Variants in KCNQ3 observed in about 807,000 individuals in gnomAD.
The protein encoded by KCNQ3 is potassium voltage-gated channel subfamily KQT member 3.
A neutral mutation model predicts 92.5 loss-of-function variants in KCNQ3; 30 were observed. The observed-to-expected ratio is 0.32, with a 90% CI of 0.24 to 0.44. KCNQ3 has a LOEUF of 0.44. Ranked by LOEUF, KCNQ3 falls within the 20% of genes least tolerant of loss-of-function variation. The pLI is 1.00. For synonymous variants in KCNQ3, 450 were observed against 468.8 expected (o/e 0.96, Z 0.52); for missense variants, 913 against 1,140.3 (o/e 0.80, Z 2.87).
intron 1 of KCNQ3, among the ~76,000 whole-genome samples, chr8:132,232,996 T>C (rs1814690657): frequency 6.6e-6 from 1 of 152,234 alleles, no homozygotes; most frequent in African/African-American, 2.4e-5. Flanking sequence ...ATATTGTCTC[T>C]GGCATTGCTA....
chr8:132,234,909 C>T (rs373796302), intron 1 of KCNQ3, among the ~76,000 whole-genome samples: 6 of 152,202 alleles, frequency 3.9e-5, no homozygotes, highest in African/African-American at 1.4e-4. Flanking sequence ...TCTTCATTGC[C>T]TTGCCTCATA....
intron 1 of KCNQ3, among the ~76,000 whole-genome samples, chr8:132,468,430 G>A (rs1480620546): frequency 1.3e-5 from 2 of 152,220 alleles, no homozygotes; most frequent in Non-Finnish European, 2.9e-5. Context: ...TTAAACTGCT[G>A]TAATGAGTTT....
rs111575301 is a variant in KCNQ3, at chr8:132,418,410, G to A, written c.386+61737C>T. Among the ~76,000 whole-genome samples, 1,247 of 152,252 alleles carry A rather than the reference G, an allele frequency of 8.2e-3. 25 individuals carry two copies. The highest frequency in any genetic ancestry group is 0.026 in the African/African-American group (1,093 of 41,546). On this transcript the variant is annotated intron_variant, in intron 1 of 14. Transcript: ENST00000388996. ...AGGGAGGAGCTCTGGGTCTCAACCCGACTCTGCCTCTAATGGTCTCTGTGA... is the reference window on the plus strand; with the variant it reads ...AGGGAGGAGCTCTGGGTCTCAACCCAACTCTGCCTCTAATGGTCTCTGTGA...
intron 1 of KCNQ3, among the ~76,000 whole-genome samples, chr8:132,334,609 G>A (rs1818316106): frequency 6.6e-6 from 1 of 152,188 alleles, no homozygotes. Context: ...TGGGATTTGA[G>A]TGCTTGTCTC....
At chr8:132,163,621 G>A in intron 8 of KCNQ3, 127 bp from the exon 9 acceptor site, 3 of 845,424 alleles carry the variant, frequency 3.5e-6, no homozygotes, top group Non-Finnish European at 6.0e-6. Context: ...AGGACAGGAT[G>A]GTCAGTGTGG....
intron 1 of KCNQ3, among the ~76,000 whole-genome samples, chr8:132,202,241 C>G (rs1827487052): frequency 1.3e-5 from 2 of 152,166 alleles, no homozygotes; most frequent in Admixed American, 1.3e-4. Flanking sequence ...ATCTTGCTCT[C>G]AAAGTCCTAG....
intron 1 of KCNQ3, among the ~76,000 whole-genome samples, chr8:132,347,293 A>G (rs755417633): frequency 3.9e-5 from 6 of 152,194 alleles, no homozygotes; most frequent in Admixed American, 1.3e-4. Context: ...ATGGCCTGGA[A>G]AGTACCCATT....
intron 2 of KCNQ3, among the ~76,000 whole-genome samples, chr8:132,185,568 G>A (rs1221516258): frequency 6.6e-6 from 1 of 152,226 alleles, no homozygotes; most frequent in Non-Finnish European, 1.5e-5. Flanking sequence ...ACTTGCCCAA[G>A]AATTCTAATC....
chr8:132,283,056 G>A (rs1481883123), intron 1 of KCNQ3, among the ~76,000 whole-genome samples: 3 of 151,064 alleles, frequency 2.0e-5, no homozygotes, highest in South Asian at 2.1e-4. Context: ...GAGGGAATGA[G>A]GCAGAAAGGA....
At chr8:132,254,246 C>T (rs1435519606) in intron 1 of KCNQ3, among the ~76,000 whole-genome samples, 1 of 152,114 alleles carries the variant, frequency 6.6e-6, no homozygotes, top group Non-Finnish European at 1.5e-5. Flanking sequence ...GCATGTTCTC[C>T]CTATAAACTG....
intron 1 of KCNQ3, among the ~76,000 whole-genome samples, chr8:132,372,437 G>A (rs1185791913): frequency 6.6e-6 from 1 of 152,106 alleles, no homozygotes; most frequent in Non-Finnish European, 1.5e-5. Flanking sequence ...CCCCAGGGCT[G>A]TTCTGAGATG....
intron 1 of KCNQ3, among the ~76,000 whole-genome samples, chr8:132,235,034 T>C (rs972917270): frequency 2.6e-5 from 4 of 152,206 alleles, no homozygotes; most frequent in Admixed American, 6.5e-5. Flanking sequence ...GTGAATTATA[T>C]GTAAAAAATA....
Position 132,480,259 on chromosome 8 carries a change from G to C in KCNQ3, c.274C>G (p.Pro92Ala), listed in dbSNP as rs752955788. The change falls in exon 1 of 15, where the codon CCG becomes GCG. Residue 92 changes from proline to alanine, a missense_variant. By Grantham distance (27) the Pro-to-Ala change is conservative (BLOSUM62 -1). This residue lies in a region of KCNQ3 where 183 missense variants were observed against 167.7 expected (regional missense o/e 1.09). Coordinates refer to ENST00000388996, the MANE Select transcript of KCNQ3 (RefSeq NM_004519.4). ...TTTCTCTTGACTGGGCGGCTCAGCGGGGTCTTGGCCAGGAGCCCGATGCCC... is the reference window on the plus strand; with the variant it reads ...TTTCTCTTGACTGGGCGGCTCAGCGCGGTCTTGGCCAGGAGCCCGATGCCC... ...PQGIGLLAKT[P>A]LSRPVKRNNA... 1.9e-6 allele frequency: 3 copies of C among 1,612,708 alleles called. No homozygotes were observed. The highest frequency in any genetic ancestry group is 2.5e-6 in the Non-Finnish European group (3 of 1,179,282).
chr8:132,363,134 G>C (rs1359174867), intron 1 of KCNQ3, among the ~76,000 whole-genome samples: 1 of 152,176 alleles, frequency 6.6e-6, no homozygotes, highest in Non-Finnish European at 1.5e-5. Flanking sequence ...AATCAAACCA[G>C]CCACTTGTAG....
chr8:132,357,333 T>G (rs1586953645), intron 1 of KCNQ3, among the ~76,000 whole-genome samples: 1 of 152,254 alleles, frequency 6.6e-6, no homozygotes, highest in African/African-American at 2.4e-5. Context: ...GAGAAGTGCG[T>G]CAATGTGAGG....
chr8:132,308,422 T>A (rs576539641), intron 1 of KCNQ3, among the ~76,000 whole-genome samples: 2 of 152,186 alleles, frequency 1.3e-5, no homozygotes, highest in South Asian at 4.2e-4. Flanking sequence ...AAACTCAGCC[T>A]GGAGGGGAAA....
intron 1 of KCNQ3, among the ~76,000 whole-genome samples, chr8:132,439,958 G>A (rs570612739): frequency 6.6e-6 from 1 of 152,282 alleles, no homozygotes; most frequent in Non-Finnish European, 1.5e-5. Context: ...ACCTCCTGAG[G>A]ATATCACAAT....
chr8:132,427,961 T>G (rs1821152480), intron 1 of KCNQ3, among the ~76,000 whole-genome samples: 1 of 152,186 alleles, frequency 6.6e-6, no homozygotes, highest in South Asian at 2.1e-4. Context: ...TATCTAGCAA[T>G]CATACCCAAG....
intron 9 of KCNQ3, among the ~76,000 whole-genome samples, chr8:132,160,793 C>T (rs960692829): frequency 3.3e-5 from 5 of 151,480 alleles, no homozygotes; most frequent in African/African-American, 4.8e-5. Flanking sequence ...ATGCTTCCTT[C>T]TCAGGCTTTC....
Sources: gnomAD v4.1 joint callset for allele counts (sites outside exome capture counted in the v4.1 genomes callset) on GRCh38, gnomAD v4.1.1 for gene constraint, gnomAD v4.1.1 regional missense constraint, MANE v1.5 for transcripts, NCBI Gene and HGNC (gene_info 2026-07-23, HGNC 2026-07-21) for gene names.